The following CDKAL1 variants were observed in gnomAD, a reference collection of about 807,000 sequenced individuals.
CDKAL1 encodes the protein CDKAL1 threonylcarbamoyladenosine tRNA methylthiotransferase.
Under a neutral mutation model 68.2 loss-of-function variants are expected in CDKAL1, and 32 were observed. The ratio of observed to expected loss-of-function variants is 0.47; its 90% CI spans 0.35 to 0.63. The LOEUF is 0.63. CDKAL1 is among the 30% of genes least tolerant of loss of function. The pLI is 0.00. For missense variants in CDKAL1, 606 were observed against 696.7 expected (o/e 0.87, Z 1.47); for synonymous variants, 234 against 244.3 (o/e 0.96, Z 0.39).
intron 4 of CDKAL1, among the ~76,000 whole-genome samples, chr6:20,636,927 C>T (rs1767931046): frequency 6.6e-6 from 1 of 151,508 alleles, no homozygotes; most frequent in Admixed American, 6.6e-5. Flanking sequence ...ATCCCAGCTA[C>T]TCGGGAGGCT....
At chr6:21,191,295 A>G (rs931762183) in intron 13 of CDKAL1, among the ~76,000 whole-genome samples, 1 of 152,214 alleles carries the variant, frequency 6.6e-6, no homozygotes, top group Non-Finnish European at 1.5e-5. Flanking sequence ...TTTAAATGCA[A>G]GTGTGTGTTT....
chr6:21,200,355 G>A (rs945699662), intron 14 of CDKAL1, among the ~76,000 whole-genome samples: 1 of 152,202 alleles, frequency 6.6e-6, no homozygotes, highest in Non-Finnish European at 1.5e-5. Context: ...ACAAACACAT[G>A]CCTTTTCTAA....
intron 13 of CDKAL1, among the ~76,000 whole-genome samples, chr6:21,158,144 GT>G (rs1421045793): frequency 2.0e-5 from 3 of 152,268 alleles, no homozygotes; most frequent in Admixed American, 6.5e-5. Flanking sequence ...ATACTCTTCT[GT>G]TTGTGAATTG....
chr6:20,754,156 A>T (rs988917209), intron 6 of CDKAL1, among the ~76,000 whole-genome samples: 5 of 152,050 alleles, frequency 3.3e-5, no homozygotes, highest in African/African-American at 7.3e-5. Flanking sequence ...ATTTTTAAAA[A>T]TTTTTTGTAG....
chr6:21,042,836 T>C (rs1225161847), intron 11 of CDKAL1, among the ~76,000 whole-genome samples: 2 of 152,230 alleles, frequency 1.3e-5, no homozygotes, highest in Non-Finnish European at 2.9e-5. Flanking sequence ...TTGTTAGCTA[T>C]ATTACGATAC....
chr6:21,173,556 T>C (rs1777473050), intron 13 of CDKAL1, among the ~76,000 whole-genome samples: 1 of 152,156 alleles, frequency 6.6e-6, no homozygotes. Context: ...GGGTCCACAT[T>C]TTCTATTTTG....
chr6:20,561,464 A>G (rs1764266086), intron 4 of CDKAL1, among the ~76,000 whole-genome samples: 1 of 150,166 alleles, frequency 6.7e-6, no homozygotes. Context: ...AAAAAAAAAA[A>G]AAAAAAAGAA....
chr6:20,726,808 G>A (rs1216086364), intron 5 of CDKAL1, among the ~76,000 whole-genome samples: 1 of 152,188 alleles, frequency 6.6e-6, no homozygotes, highest in Admixed American at 6.5e-5. Flanking sequence ...GAGGAGAGCT[G>A]AGTACAAGCA....
At chr6:20,571,195 A>G (rs1764686700) in intron 4 of CDKAL1, among the ~76,000 whole-genome samples, 1 of 152,216 alleles carries the variant, frequency 6.6e-6, no homozygotes, top group South Asian at 2.1e-4. Context: ...TACTCTGTGC[A>G]AGGCTGACCA....
At chr6:20,827,299 G>A (rs1777540380) in intron 8 of CDKAL1, among the ~76,000 whole-genome samples, 1 of 152,066 alleles carries the variant, frequency 6.6e-6, no homozygotes, top group African/African-American at 2.4e-5. Flanking sequence ...CTACCACATG[G>A]GGCAGTTTTC....
intron 5 of CDKAL1, among the ~76,000 whole-genome samples, chr6:20,715,936 A>G (rs1410205576): frequency 1.3e-5 from 2 of 152,116 alleles, no homozygotes; most frequent in African/African-American, 4.8e-5. Context: ...TCTGATATGG[A>G]TTTATTTTAC....
At chr6:21,186,035 C>G (rs1049796152) in intron 13 of CDKAL1, among the ~76,000 whole-genome samples, 10 of 151,164 alleles carry the variant, frequency 6.6e-5, no homozygotes, top group African/African-American at 2.2e-4. Flanking sequence ...TGGAGCCGGG[C>G]TCTCAGGGTC....
At chr6:21,124,233 A>G (rs1774873609) in intron 13 of CDKAL1, among the ~76,000 whole-genome samples, 1 of 152,216 alleles carries the variant, frequency 6.6e-6, no homozygotes, top group Non-Finnish European at 1.5e-5. Flanking sequence ...TTCAGGACAT[A>G]GTTTGATAAT....
At chr6:20,632,986 C>T (rs1186596441) in intron 4 of CDKAL1, among the ~76,000 whole-genome samples, 1 of 152,116 alleles carries the variant, frequency 6.6e-6, no homozygotes, top group Non-Finnish European at 1.5e-5. Context: ...AGGCAGTGGG[C>T]ACAGAAATGA....
intron 9 of CDKAL1, among the ~76,000 whole-genome samples, chr6:20,944,612 C>T (rs527540691): frequency 4.6e-5 from 7 of 152,272 alleles, no homozygotes; most frequent in East Asian, 1.9e-4. Flanking sequence ...CCCAAAGTGC[C>T]GGGATTATAG....
chr6:21,008,816 C>A (rs114439151), intron 11 of CDKAL1, among the ~76,000 whole-genome samples: 2,794 of 152,252 alleles, frequency 0.018, 40 homozygotes, highest in Admixed American at 0.033. Context: ...AACTCTGGAA[C>A]TAACAAGAGT....
intron 9 of CDKAL1, among the ~76,000 whole-genome samples, chr6:20,897,005 G>A (rs1761723221): frequency 6.6e-6 from 1 of 152,156 alleles, no homozygotes. Flanking sequence ...AGTATAAACA[G>A]CATGGATTTA....
Position 20,709,120 on chromosome 6 carries a change from C to T in CDKAL1, c.372-30399C>T, listed in dbSNP as rs931189057. 4.8e-5 allele frequency among the ~76,000 whole-genome samples: 7 copies of T among 146,886 alleles called. No homozygotes were observed. The East Asian group carries it at 1.2e-3, about 24-fold the overall frequency. ...TGGAAGTGTGCTGAGTGTCTAACAGCTGTTAAAAAAAAAATGAATAGAAAT... is the reference window on the plus strand; with the variant it reads ...TGGAAGTGTGCTGAGTGTCTAACAGTTGTTAAAAAAAAAATGAATAGAAAT... On this transcript the variant is annotated intron_variant, in intron 5 of 15. Coordinates refer to ENST00000274695, the MANE Select transcript of CDKAL1 (RefSeq NM_017774.3).
intron 9 of CDKAL1, among the ~76,000 whole-genome samples, chr6:20,895,943 C>T (rs1761658376): frequency 6.6e-6 from 1 of 152,006 alleles, no homozygotes; most frequent in Non-Finnish European, 1.5e-5. Flanking sequence ...TGATATGCCA[C>T]CACTTACATC....
Sources: allele counts gnomAD v4.1 joint callset (sites outside exome capture counted in the v4.1 genomes callset), GRCh38; gene constraint gnomAD v4.1.1; transcripts MANE v1.5; gene names NCBI Gene and HGNC (gene_info 2026-07-23, HGNC 2026-07-21).